The following BBS9 variants were observed in gnomAD, a reference collection of about 807,000 sequenced individuals.
The protein encoded by BBS9 is protein PTHB1.
BBS9 carries 89 observed loss-of-function variants against 117.7 expected under a neutral mutation model. The observed-to-expected ratio is 0.76, with a 90% CI of 0.64 to 0.90. The LOEUF (loss-of-function observed/expected upper bound fraction) is 0.90. Among genes scored for constraint, BBS9 ranks in the 40% least tolerant of loss-of-function variants. The pLI is 0.00. For missense variants in BBS9, 982 were observed against 1,042.2 expected (o/e 0.94, Z 0.80); for synonymous variants, 379 against 370.9 (o/e 1.02, Z -0.25).
chr7:33,149,366 T>C (rs1470328594), intron 2 of BBS9, among the ~76,000 whole-genome samples: 1 of 152,224 alleles, frequency 6.6e-6, no homozygotes, highest in Non-Finnish European at 1.5e-5. Context: ...ACCTCTACTT[T>C]TTTTTAGGTG....
chr7:33,348,296 T>A (rs1253572718), intron 12 of BBS9, among the ~76,000 whole-genome samples: 1 of 152,180 alleles, frequency 6.6e-6, no homozygotes, highest in East Asian at 1.9e-4. Context: ...TTTTCAAGGT[T>A]CACCCATGTT....
intron 19 of BBS9, among the ~76,000 whole-genome samples, chr7:33,410,485 C>T (rs912941009): frequency 1.3e-5 from 2 of 152,114 alleles, no homozygotes; most frequent in Non-Finnish European, 2.9e-5. Flanking sequence ...AGTGACTCAG[C>T]CCCCTCTCTG....
intron 9 of BBS9, among the ~76,000 whole-genome samples, chr7:33,334,451 C>T (rs1304765245): frequency 1.3e-5 from 2 of 152,008 alleles, no homozygotes; most frequent in African/African-American, 2.4e-5. Flanking sequence ...TCATTGGGTT[C>T]GTAGGGCTTA....
intron 21 of BBS9, among the ~76,000 whole-genome samples, chr7:33,564,288 T>C (rs1856537597): frequency 6.6e-6 from 1 of 152,200 alleles, no homozygotes; most frequent in Admixed American, 6.5e-5. Context: ...ATGTTTGACA[T>C]TGGAAGGGAT....
Position 33,572,212 on chromosome 7 carries a change from G to A in BBS9, c.2522-32653G>A, listed in dbSNP as rs574151391. ...GAACATGCAATATTTGTCTTTCTGT[G>A]TCTAGCTTATTTCACTTAACGTAAT... On this transcript the variant is annotated intron_variant, in intron 21 of 22. Transcript: ENST00000242067. Among the ~76,000 whole-genome samples the A allele has an allele frequency of 2.0e-5, 3 of 152,070 alleles. No homozygotes were observed. The East Asian group carries it at 5.8e-4, about 29-fold the overall frequency.
intron 6 of BBS9, among the ~76,000 whole-genome samples, chr7:33,260,004 CT>C (rs3083600): frequency 4.0e-4 from 56 of 139,460 alleles, no homozygotes; most frequent in East Asian, 1.7e-3. Flanking sequence ...AGACTTTTTT[CT>C]TTTTTTTTTT....
chr7:33,184,692 G>A (rs943722968), intron 5 of BBS9, among the ~76,000 whole-genome samples: 5 of 152,162 alleles, frequency 3.3e-5, no homozygotes, highest in African/African-American at 1.2e-4. Flanking sequence ...CCTTCGTATC[G>A]TTCTTTCATG....
At chr7:33,378,355 T>A (rs1218680548) in intron 17 of BBS9, among the ~76,000 whole-genome samples, 1 of 152,236 alleles carries the variant, frequency 6.6e-6, no homozygotes, top group Admixed American at 6.5e-5. Context: ...AGTGTTACCT[T>A]GAGTCTTATT....
At chr7:33,132,990 A>G (rs979934642) in intron 1 of BBS9, among the ~76,000 whole-genome samples, 10 of 152,126 alleles carry the variant, frequency 6.6e-5, no homozygotes, top group African/African-American at 2.2e-4. Flanking sequence ...AGGTCTCACT[A>G]TGTTGCGCAG....
chr7:33,471,295 T>C (rs900683332), intron 19 of BBS9, among the ~76,000 whole-genome samples: 4 of 152,190 alleles, frequency 2.6e-5, no homozygotes, highest in Non-Finnish European at 5.9e-5. Flanking sequence ...TGTAAAGAAG[T>C]TGGTGAAGTT....
intron 19 of BBS9, chr7:33,390,193 G>T: frequency 2.1e-6 from 2 of 954,966 alleles, no homozygotes; most frequent in Non-Finnish European, 2.5e-6. Flanking sequence ...TGAGGCTGAA[G>T]GTATGGTCAA....
intron 19 of BBS9, among the ~76,000 whole-genome samples, chr7:33,428,522 T>A (rs974727321): frequency 1.3e-5 from 2 of 152,122 alleles, no homozygotes; most frequent in Admixed American, 6.6e-5. Flanking sequence ...AAACAGGAGA[T>A]AATTATTCTT....
intron 21 of BBS9, among the ~76,000 whole-genome samples, chr7:33,577,183 C>T (rs932010285): frequency 4.6e-5 from 7 of 151,854 alleles, no homozygotes; most frequent in Admixed American, 2.0e-4. Context: ...CCAGAATCTA[C>T]AAAGAACTTA....
At chr7:33,397,732 C>G (rs1016347208) in intron 19 of BBS9, among the ~76,000 whole-genome samples, 7 of 152,134 alleles carry the variant, frequency 4.6e-5, no homozygotes, top group Non-Finnish European at 8.8e-5. Context: ...AAACCAAACA[C>G]TGCATGTTCT....
intron 2 of BBS9, among the ~76,000 whole-genome samples, chr7:33,150,005 G>A (rs1300207585): frequency 6.6e-6 from 1 of 152,156 alleles, no homozygotes; most frequent in South Asian, 2.1e-4. Context: ...AAGGTTTAAA[G>A]GTTTAAGTCT....
chr7:33,634,699 T>G (rs6954413), intron 21 of BBS9, among the ~76,000 whole-genome samples: 41,514 of 152,140 alleles, frequency 0.27, 6,480 homozygotes, highest in East Asian at 0.43. Flanking sequence ...CACAAAGCCC[T>G]GCTGGGGAGC....
chr7:33,624,295 G>A (rs1868814), intron 21 of BBS9, among the ~76,000 whole-genome samples: 150,676 of 152,342 alleles, frequency 0.99, 74,519 homozygotes, highest in East Asian at 1. Flanking sequence ...CTGTTTAGAT[G>A]TCTATTTCTT....
intron 19 of BBS9, among the ~76,000 whole-genome samples, chr7:33,415,756 A>T (rs142212573): frequency 6.6e-6 from 1 of 152,178 alleles, no homozygotes; most frequent in Non-Finnish European, 1.5e-5. Flanking sequence ...TAGGAACAGC[A>T]TAGGAATAAG....
chr7:33,135,667 C>T (rs1008573357), intron 1 of BBS9, among the ~76,000 whole-genome samples: 1 of 152,128 alleles, frequency 6.6e-6, no homozygotes, highest in Non-Finnish European at 1.5e-5. Context: ...TTCTGGGTCC[C>T]TGGAAATTCC....
Sources: allele counts gnomAD v4.1 joint callset (sites outside exome capture counted in the v4.1 genomes callset), GRCh38; gene constraint gnomAD v4.1.1; transcripts MANE v1.5; gene names NCBI Gene and HGNC (gene_info 2026-07-23, HGNC 2026-07-21).